ZNF804B: variants seen among roughly 807,000 people sequenced by gnomAD.
ZNF804B encodes zinc finger protein 804B.
In ZNF804B, 80 loss-of-function variants were observed where a neutral mutation model predicts 101.4. The ratio of observed to expected loss-of-function variants is 0.79; its 90% CI spans 0.66 to 0.95. ZNF804B has a LOEUF of 0.95. Among genes scored for constraint, ZNF804B ranks in the 40% least tolerant of loss-of-function variants. The pLI is 0.00. For synonymous variants in ZNF804B, 622 were observed against 558.8 expected (o/e 1.11, Z -1.59); for missense variants, 1,673 against 1,561.9 (o/e 1.07, Z -1.20).
rs552376084 is a variant in ZNF804B, at chr7:88,909,984, G to A, written c.108+149900G>A. Among the ~76,000 whole-genome samples the A allele has an allele frequency of 1.8e-4, 27 of 151,726 alleles. No individual in the cohort carries two copies. In the South Asian group the frequency reaches 3.5e-3, roughly 20 times the overall value. On this transcript the variant is annotated intron_variant, in intron 1 of 3. Transcript: ENST00000333190. ...TGCATTTGTTGTGAATATAGACAATGGTTTGAATGTATATTTGCTTACTTC... is the reference window on the plus strand; with the variant it reads ...TGCATTTGTTGTGAATATAGACAATAGTTTGAATGTATATTTGCTTACTTC...
Position 89,269,928 on chromosome 7 carries a change from A to T in ZNF804B, c.249+51633A>T, listed in dbSNP as rs564942108. On this transcript the variant is annotated intron_variant, in intron 2 of 3. Coordinates refer to ENST00000333190, the MANE Select transcript of ZNF804B (RefSeq NM_181646.5). ...ATGGGGTTGTTTGTTTTTTTCTTGT[A>T]AATTTGTTTGAGTTCTTTGTAGATT... 9.9e-5 allele frequency among the ~76,000 whole-genome samples: 15 copies of T among 151,938 alleles called. No individual in the cohort carries two copies. The East Asian group carries it at 2.9e-3, about 29-fold the overall frequency.
At chr7:89,120,771 G>A (rs1308491832) in intron 1 of ZNF804B, among the ~76,000 whole-genome samples, 1 of 151,908 alleles carries the variant, frequency 6.6e-6, no homozygotes, top group Non-Finnish European at 1.5e-5. Context: ...TGTTTGTGTG[G>A]CAGAAGATAC....
chr7:89,206,459 A>C (rs1386426682), intron 1 of ZNF804B, among the ~76,000 whole-genome samples: 2 of 152,150 alleles, frequency 1.3e-5, no homozygotes, highest in Non-Finnish European at 2.9e-5. Context: ...GAATACATAA[A>C]ACTGAATGCT....
chr7:89,162,564 C>A (rs1791082346), intron 1 of ZNF804B, among the ~76,000 whole-genome samples: 1 of 150,836 alleles, frequency 6.6e-6, no homozygotes, highest in Non-Finnish European at 1.5e-5. Context: ...AGTGAAACCA[C>A]AGCTACCAGC....
At chr7:89,013,129 A>G (rs547306230) in intron 1 of ZNF804B, among the ~76,000 whole-genome samples, 38 of 152,256 alleles carry the variant, frequency 2.5e-4, no homozygotes, top group African/African-American at 8.2e-4. Flanking sequence ...CCTGCCCTTG[A>G]CACATGGAAA....
In ZNF804B at chr7:88,862,944, G is replaced by A. The variant is rs530115948; in HGVS notation, c.108+102860G>A. Among the ~76,000 whole-genome samples, 6 of 152,188 alleles carry A rather than the reference G, an allele frequency of 3.9e-5. No homozygotes were observed. In the East Asian group the frequency reaches 9.7e-4, roughly 25 times the overall value. On this transcript the variant is annotated intron_variant, in intron 1 of 3. Transcript: ENST00000333190. ...TCTATTCGTCATCCCACATCTCACT[G>A]CAGTTAAAGTAAAATTTTTGAATGA...
At chr7:89,278,934 C>G (rs1379861118) in intron 2 of ZNF804B, among the ~76,000 whole-genome samples, 1 of 152,002 alleles carries the variant, frequency 6.6e-6, no homozygotes, top group Non-Finnish European at 1.5e-5. Context: ...CTGTAAATTA[C>G]CTTGGGCAGT....
chr7:88,826,098 G>A (rs572502822), intron 1 of ZNF804B, among the ~76,000 whole-genome samples: 6 of 152,164 alleles, frequency 3.9e-5, no homozygotes, highest in African/African-American at 1.2e-4. Flanking sequence ...AGTGATAAAC[G>A]AATTATGTTG....
At chr7:89,279,653 T>C (rs1367282509) in intron 2 of ZNF804B, among the ~76,000 whole-genome samples, 3 of 152,182 alleles carry the variant, frequency 2.0e-5, no homozygotes, top group African/African-American at 7.2e-5. Flanking sequence ...CTGGATTACG[T>C]TTATTGATTT....
chr7:89,134,105 C>T (rs1451928313), intron 1 of ZNF804B, among the ~76,000 whole-genome samples: 4 of 151,902 alleles, frequency 2.6e-5, no homozygotes, highest in Non-Finnish European at 5.9e-5. Context: ...GAACACTGTC[C>T]CCAACAAAAA....
chr7:88,922,715 GCAAT>G (rs1254994185), intron 1 of ZNF804B, among the ~76,000 whole-genome samples: 4 of 151,836 alleles, frequency 2.6e-5, no homozygotes, highest in Admixed American at 6.6e-5. Flanking sequence ...CAAAGTGACA[GCAAT>G]CAATCTATTA....
intron 1 of ZNF804B, among the ~76,000 whole-genome samples, chr7:89,050,788 A>G (rs1350614717): frequency 6.6e-6 from 1 of 152,160 alleles, no homozygotes; most frequent in African/African-American, 2.4e-5. Context: ...AGAGATGAAC[A>G]GAGAAAAAGC....
At chr7:89,153,523 A>C (rs17308051) in intron 1 of ZNF804B, among the ~76,000 whole-genome samples, 2 of 151,566 alleles carry the variant, frequency 1.3e-5, no homozygotes, top group African/African-American at 4.8e-5. Context: ...CCCAAGAGCA[A>C]AAATGAATTT....
At chr7:89,099,030 ATATATAT>A (rs1016426963) in intron 1 of ZNF804B, among the ~76,000 whole-genome samples, 84 of 147,794 alleles carry the variant, frequency 5.7e-4, no homozygotes, top group Non-Finnish European at 1.0e-3. Context: ...TATTTATATT[ATATATAT>A]TATATATTAT....
chr7:88,993,272 A>G (rs544038744), intron 1 of ZNF804B, among the ~76,000 whole-genome samples: 34 of 152,146 alleles, frequency 2.2e-4, no homozygotes, highest in African/African-American at 7.9e-4. Context: ...TTTATTCATT[A>G]TTCCAAACAT....
chr7:88,872,191 T>C (rs1791837424), intron 1 of ZNF804B, among the ~76,000 whole-genome samples: 2 of 152,144 alleles, frequency 1.3e-5, no homozygotes, highest in South Asian at 2.1e-4. Flanking sequence ...GGCAAACACA[T>C]TTAATTGGGA....
chr7:88,921,187 A>G (rs1047851664), intron 1 of ZNF804B, among the ~76,000 whole-genome samples: 1 of 152,152 alleles, frequency 6.6e-6, no homozygotes, highest in African/African-American at 2.4e-5. Flanking sequence ...TGAGACTGGT[A>G]GATGGATAAA....
At chr7:89,070,229 C>T (rs1408942415) in intron 1 of ZNF804B, among the ~76,000 whole-genome samples, 1 of 152,086 alleles carries the variant, frequency 6.6e-6, no homozygotes, top group East Asian at 1.9e-4. Context: ...ACTATGGTCC[C>T]AAATATCAAG....
intron 1 of ZNF804B, among the ~76,000 whole-genome samples, chr7:88,873,951 G>A (rs866921366): frequency 5.3e-5 from 8 of 152,062 alleles, no homozygotes; most frequent in Middle Eastern, 3.2e-3. Flanking sequence ...TTGGCAATGC[G>A]GGCTCTTTTT....
Sources: gnomAD v4.1 joint callset for allele counts (sites outside exome capture counted in the v4.1 genomes callset) on GRCh38, gnomAD v4.1.1 for gene constraint, MANE v1.5 for transcripts, NCBI Gene and HGNC (gene_info 2026-07-23, HGNC 2026-07-21) for gene names.